The following CSMD1 variants were observed in gnomAD, a reference collection of about 807,000 sequenced individuals.
CSMD1 encodes CUB and sushi domain-containing protein 1.
In CSMD1, 213 loss-of-function variants were observed where a neutral mutation model predicts 417.5. The ratio of observed to expected loss-of-function variants is 0.51; its 90% CI spans 0.46 to 0.57. The LOEUF is 0.57. CSMD1 is among the 20% of genes least tolerant of loss of function. The pLI is 0.00. For missense variants in CSMD1, 6,923 were observed against 4,529.7 expected (o/e 1.53, Z -15.17); for synonymous variants, 2,862 against 1,736.8 (o/e 1.65, Z -16.11).
At chr8:4,350,405 A>G (rs1272501295) in intron 3 of CSMD1, among the ~76,000 whole-genome samples, 1 of 152,184 alleles carries the variant, frequency 6.6e-6, no homozygotes, top group Non-Finnish European at 1.5e-5. Flanking sequence ...CAGCTATGAT[A>G]TGCTCTGATT....
At chr8:4,447,970 C>G (rs1305520198) in intron 2 of CSMD1, among the ~76,000 whole-genome samples, 2 of 152,060 alleles carry the variant, frequency 1.3e-5, no homozygotes, top group Non-Finnish European at 2.9e-5. Context: ...CTAATAGTAC[C>G]AAAAAGCCTC....
At chr8:3,476,894 C>A (rs1271842075) in intron 11 of CSMD1, among the ~76,000 whole-genome samples, 2 of 123,138 alleles carry the variant, frequency 1.6e-5, no homozygotes, top group Non-Finnish European at 3.2e-5. Flanking sequence ...CCCTGAGCAA[C>A]AGAGCGAAAC....
At chr8:2,944,876 AC>A (rs1181457727) in intron 68 of CSMD1, among the ~76,000 whole-genome samples, 2 of 152,118 alleles carry the variant, frequency 1.3e-5, no homozygotes, top group African/African-American at 4.8e-5. Flanking sequence ...AAAGCTACAT[AC>A]TTTTATCCAT....
At chr8:3,191,179 G>A (rs1796400417) in intron 33 of CSMD1, among the ~76,000 whole-genome samples, 1 of 152,320 alleles carries the variant, frequency 6.6e-6, no homozygotes, top group East Asian at 1.9e-4. Flanking sequence ...CCCCAGCCGG[G>A]TGCAGTGGCG....
chr8:4,917,660 T>A (rs1040603864), intron 1 of CSMD1, among the ~76,000 whole-genome samples: 15 of 150,480 alleles, frequency 1.0e-4, no homozygotes, highest in Non-Finnish European at 2.2e-4. Context: ...TGAAATAAAA[T>A]AAAAAATAAA....
chr8:3,287,234 G>C (rs1046336182), intron 25 of CSMD1, among the ~76,000 whole-genome samples: 4 of 150,526 alleles, frequency 2.7e-5, no homozygotes, highest in African/African-American at 9.8e-5. Flanking sequence ...GTCAGGTAGG[G>C]TGATGCCTCC....
At chr8:4,320,011 A>C (rs146372892) in intron 3 of CSMD1, among the ~76,000 whole-genome samples, 65 of 152,294 alleles carry the variant, frequency 4.3e-4, no homozygotes, top group African/African-American at 1.6e-3. Flanking sequence ...TGGGTTAAGT[A>C]CTCAAAGTAC....
chr8:3,781,894 T>G (rs1228101054), intron 5 of CSMD1, among the ~76,000 whole-genome samples: 1 of 152,218 alleles, frequency 6.6e-6, no homozygotes, highest in East Asian at 1.9e-4. Flanking sequence ...TTAAATTCAT[T>G]TTCTAATTTT....
At chr8:4,598,378 G>C (rs1047298414) in intron 2 of CSMD1, among the ~76,000 whole-genome samples, 2 of 152,154 alleles carry the variant, frequency 1.3e-5, no homozygotes, top group South Asian at 2.1e-4. Flanking sequence ...CTAGATATTA[G>C]CTCTAACAGG....
chr8:4,378,506 TTC>T (rs943848045), intron 3 of CSMD1, among the ~76,000 whole-genome samples: 30 of 152,078 alleles, frequency 2.0e-4, no homozygotes, highest in African/African-American at 6.0e-4. Context: ...CTCTCTCTCT[TTC>T]TCTCTGTTCA....
chr8:4,982,657 C>T (rs1031956551), intron 1 of CSMD1, among the ~76,000 whole-genome samples: 18 of 152,288 alleles, frequency 1.2e-4, no homozygotes, highest in East Asian at 5.8e-4. Context: ...TAACACTTTA[C>T]AGTATTTTTA....
chr8:3,208,545 C>T (rs9650503), intron 30 of CSMD1, among the ~76,000 whole-genome samples: 8 of 151,922 alleles, frequency 5.3e-5, no homozygotes, highest in African/African-American at 1.9e-4. Context: ...GATTACAGGG[C>T]TGAGCCACCA....
chr8:4,380,482 G>C (rs539572287), intron 3 of CSMD1, among the ~76,000 whole-genome samples: 6 of 152,308 alleles, frequency 3.9e-5, no homozygotes, highest in East Asian at 1.9e-4. Flanking sequence ...GGTCATCAAA[G>C]ACAAGGAAAA....
At chr8:4,984,288 A>T (rs1239414574) in intron 1 of CSMD1, among the ~76,000 whole-genome samples, 1 of 152,246 alleles carries the variant, frequency 6.6e-6, no homozygotes, top group Non-Finnish European at 1.5e-5. Context: ...TCAAACAAAC[A>T]TATGACCCCT....
At chr8:3,905,896 A>G (rs1004272785) in intron 5 of CSMD1, among the ~76,000 whole-genome samples, 2 of 152,164 alleles carry the variant, frequency 1.3e-5, no homozygotes, top group African/African-American at 4.8e-5. Flanking sequence ...CTTACTATTT[A>G]TTTGCTCCTT....
At chr8:4,954,772 A>G (rs1182670303) in intron 1 of CSMD1, among the ~76,000 whole-genome samples, 2 of 152,164 alleles carry the variant, frequency 1.3e-5, no homozygotes, top group Non-Finnish European at 2.9e-5. Flanking sequence ...CTGCTATTAC[A>G]CAGAATTACG....
At position 4,753,730 on chromosome 8, in the gene CSMD1, G is replaced by A. The variant is rs146574946; in HGVS notation, c.86-116172C>T. On this transcript the variant is annotated intron_variant, in intron 1 of 69. Transcript: ENST00000635120. ...AACAGCTAATACCACCTTCAAGGCA[G>A]AGCTCAAGTATAAACAGTTTACATT... is the stretch of plus-strand genomic sequence containing the variant. Among the ~76,000 whole-genome samples the A allele has an allele frequency of 8.3e-4, 127 of 152,272 alleles. No individual in the cohort carries two copies. The Middle Eastern group carries it at 0.024, about 29-fold the overall frequency.
At chr8:3,059,341 C>T (rs577000028) in intron 49 of CSMD1, among the ~76,000 whole-genome samples, 2 of 138,934 alleles carry the variant, frequency 1.4e-5, no homozygotes, top group African/African-American at 2.5e-5. Context: ...GATCCTTGCA[C>T]TCCCTTCCCT....
chr8:4,927,086 G>GCAT (rs1806918852), intron 1 of CSMD1, among the ~76,000 whole-genome samples: 1 of 100,008 alleles, frequency 1.0e-5, no homozygotes, highest in Non-Finnish European at 2.1e-5. Flanking sequence ...TGCTTTCAAT[G>GCAT]CATTATTATT....
Sources: gnomAD v4.1 joint callset for allele counts (sites outside exome capture counted in the v4.1 genomes callset) on GRCh38, gnomAD v4.1.1 for gene constraint, MANE v1.5 for transcripts, NCBI Gene and HGNC (gene_info 2026-07-23, HGNC 2026-07-21) for gene names.